Variants in AGXT2 observed in about 807,000 individuals in gnomAD.
AGXT2 encodes alanine--glyoxylate aminotransferase 2, also known as alanine--glyoxylate aminotransferase 2, mitochondrial.
A neutral mutation model predicts 62.5 loss-of-function variants in AGXT2; 61 were observed. The observed-to-expected ratio is 0.98, with a 90% CI of 0.79 to 1.21. The LOEUF is 1.21. Ranked by LOEUF, AGXT2 falls within the 50% of genes most tolerant of loss-of-function variation. AGXT2 has a pLI of 0.00. For missense variants in AGXT2, 666 were observed against 641.5 expected, an observed-to-expected ratio of 1.04 and a Z score of -0.41; for synonymous variants, 243 against 218.7, an observed-to-expected ratio of 1.11 and a Z score of -0.98.
At chr5:35,012,209 T>C (rs556436780) in intron 11 of AGXT2, among the ~76,000 whole-genome samples, 37 of 152,014 alleles carry the variant, frequency 2.4e-4, no homozygotes, top group Admixed American at 2.2e-3. Context: ...CAAAACCGAC[T>C]TGTATCCCAA....
intron 1 of AGXT2, among the ~76,000 whole-genome samples, chr5:35,045,038 C>T (rs1768132581): frequency 6.6e-6 from 1 of 152,110 alleles, no homozygotes; most frequent in African/African-American, 2.4e-5. Context: ...GAGCACATAC[C>T]CCAGCCACCT....
At chr5:35,009,439 T>C (rs1766543690) in intron 12 of AGXT2, among the ~76,000 whole-genome samples, 2 of 151,926 alleles carry the variant, frequency 1.3e-5, no homozygotes, top group African/African-American at 4.8e-5. Flanking sequence ...CTACTAAAAA[T>C]ACAAAAATTA....
Position 34,998,813 on chromosome 5 carries a change from G to T in AGXT2, c.1451C>A (p.Ala484Glu). 6.2e-7 allele frequency: 1 copy of T among 1,613,036 alleles called. No individual in the cohort carries two copies. Among genetic ancestry groups the T allele is most frequent in the Admixed American group, 1.7e-5 (1 of 60,020 alleles). ...GSIFSQTFRI[A>E]PSMCITKPEV... ...TGGTTTAGTGATGCACATTGAGGGC[G>T]CAATGCGAAATGTCTGAGGAGACAC... Residue 484 changes from alanine (A) to glutamate (E), a missense_variant, in exon 14 of 14, where the codon GCG (alanine) becomes GAG (glutamate). Coordinates refer to ENST00000231420, the MANE Select transcript of AGXT2 (RefSeq NM_031900.4).
chr5:35,047,493 ACT>A (rs1361755101), intron 1 of AGXT2, among the ~76,000 whole-genome samples: 1 of 152,040 alleles, frequency 6.6e-6, no homozygotes, highest in Non-Finnish European at 1.5e-5. Flanking sequence ...TTGAAGTCAC[ACT>A]CTATTTTGAT....
intron 12 of AGXT2, among the ~76,000 whole-genome samples, 155 bp downstream of exon 12, chr5:35,009,845 C>T (rs1315728887): frequency 2.0e-5 from 3 of 152,194 alleles, no homozygotes; most frequent in Admixed American, 1.3e-4. Context: ...TTTGTTCATA[C>T]TCAACACTCT....
At position 35,031,791 on chromosome 5, in the gene AGXT2, G is replaced by A. The variant is rs570903157; in HGVS notation, c.769+941C>T. Among the ~76,000 whole-genome samples, 31 of 152,036 alleles carry A rather than the reference G, an allele frequency of 2.0e-4. No individual in the cohort carries two copies. The South Asian group carries it at 2.5e-3, about 12-fold the overall frequency. On this transcript the variant is annotated intron_variant, in intron 7 of 13. Transcript: ENST00000231420. ...CTCTCATTTTGGCTGGCAGTCCCTG[G>A]AGAACTTTTTGACTGGAGTTTTGAG...
chr5:35,003,898 T>C (rs781645545), intron 12 of AGXT2, 37 bp from the exon 13 acceptor site: 4 of 1,592,676 alleles, frequency 2.5e-6, no homozygotes, highest in Admixed American at 1.7e-5. Context: ...CTATTTGGTG[T>C]TGGAATGGTT....
chr5:35,045,770 T>TTTC (rs1768173452), intron 1 of AGXT2, among the ~76,000 whole-genome samples: 80 of 37,236 alleles, frequency 2.1e-3, no homozygotes, highest in African/African-American at 5.0e-3. Context: ...TTTTCTTTTT[T>TTTC]TTTTTTTTTT....
chr5:35,019,367 A>C (rs1178938800), intron 9 of AGXT2, among the ~76,000 whole-genome samples: 1 of 149,392 alleles, frequency 6.7e-6, no homozygotes, highest in East Asian at 2.0e-4. Flanking sequence ...AAATTATAAC[A>C]AACTATCTCT....
intron 9 of AGXT2, 140 bp from the exon 10 acceptor site, chr5:35,014,259 C>G: frequency 8.7e-7 from 1 of 1,150,364 alleles, no homozygotes; most frequent in South Asian, 1.3e-5. Flanking sequence ...CAAGACCAGC[C>G]TGGCCAAGAT....
At chr5:35,016,951 C>T (rs879667554) in intron 9 of AGXT2, among the ~76,000 whole-genome samples, 10 of 152,156 alleles carry the variant, frequency 6.6e-5, no homozygotes, top group Non-Finnish European at 1.3e-4. Context: ...TACGGGTATG[C>T]ATGTCTTGCA....
At chr5:35,011,677 G>A (rs1766646105) in intron 11 of AGXT2, among the ~76,000 whole-genome samples, 1 of 152,000 alleles carries the variant, frequency 6.6e-6, no homozygotes, top group African/African-American at 2.4e-5. Flanking sequence ...TAGTGGGACT[G>A]TAAATTAGTA....
rs1285262656 is a variant in AGXT2 at position 35,039,300 on chromosome 5, T to G, written c.362+24A>C. On this transcript the variant is annotated intron_variant, in intron 3 of 13. Transcript: ENST00000231420. ...TCCATGCATTCTTTTGGAATAAAAA[T>G]CTCCAGATTTTAAGGATACTCACGG... 3 of 1,610,988 alleles carry G rather than the reference T, an allele frequency of 1.9e-6. No individual in the cohort carries two copies. In the South Asian group the frequency reaches 3.3e-5, roughly 18 times the overall value.
chr5:35,033,585 C>T, intron 5 of AGXT2, 32 bp from the exon 6 acceptor site: 1 of 1,570,942 alleles, frequency 6.4e-7, no homozygotes, highest in Non-Finnish European at 8.8e-7. Context: ...AGGATGGGGT[C>T]AAGTTCCTGG....
intron 12 of AGXT2, among the ~76,000 whole-genome samples, chr5:35,008,434 C>T (rs911962777): frequency 1.3e-5 from 2 of 152,174 alleles, no homozygotes; most frequent in African/African-American, 4.8e-5. Flanking sequence ...CTCAAGTCTA[C>T]ACTTTGAGGA....
Position 35,023,861 on chromosome 5 carries a change from A to ATATTTATT in AGXT2, c.963+1894_963+1901dup, listed in dbSNP as rs72046873. Among the ~76,000 whole-genome samples, 107 of 144,056 alleles carry ATATTTATT rather than the reference A, an allele frequency of 7.4e-4. 1 individual carries two copies. Among genetic ancestry groups the ATATTTATT allele is most frequent in the Middle Eastern group, 3.5e-3 (1 of 286 alleles). 94.5% of individuals were successfully genotyped at this position (144,056 alleles called of 152,430 possible). ...GACAGCTCAGTGTCAGCTGTAGGGA[A>ATATTTATT]TATTTATTTATTTATTTATTTATTT... On this transcript the variant is annotated intron_variant, in intron 9 of 13. Transcript: ENST00000231420.
At chr5:35,046,296 T>A (rs1768205039) in intron 1 of AGXT2, among the ~76,000 whole-genome samples, 1 of 152,192 alleles carries the variant, frequency 6.6e-6, no homozygotes, top group South Asian at 2.1e-4. Context: ...ACTTTCAGCA[T>A]AATTTCCTCC....
chr5:34,998,861 T>C (rs1456239289), intron 13 of AGXT2, 35 bp from the exon 14 acceptor site: 2 of 1,434,146 alleles, frequency 1.4e-6, no homozygotes, highest in South Asian at 2.3e-5. Context: ...AAACAAATCA[T>C]CAGAGAATCA....
chr5:35,025,483 A>G (rs1767299393), intron 9 of AGXT2, among the ~76,000 whole-genome samples: 1 of 152,248 alleles, frequency 6.6e-6, no homozygotes, highest in South Asian at 2.1e-4. Flanking sequence ...TTAAAAAAAT[A>G]TATTGAGTCA....
Sources: gnomAD v4.1 joint callset for allele counts (sites outside exome capture counted in the v4.1 genomes callset) on GRCh38, gnomAD v4.1.1 for gene constraint, MANE v1.5 for transcripts, NCBI Gene and HGNC (gene_info 2026-07-23, HGNC 2026-07-21) for gene names.